Variants in SCAP observed in about 807,000 individuals in gnomAD.
SCAP encodes the protein SREBF chaperone.
Under a neutral mutation model 123.6 loss-of-function variants are expected in SCAP, and 65 were observed. That is an observed-to-expected ratio of 0.53 (90% CI 0.43 to 0.65). SCAP has a LOEUF of 0.65. Ranked by LOEUF, SCAP falls within the 30% of genes least tolerant of loss-of-function variation. The pLI, the probability that SCAP is intolerant of heterozygous loss-of-function variation, is 0.00. For synonymous variants in SCAP, 740 were observed against 726.3 expected (o/e 1.02, Z -0.30); for missense variants, 1,398 against 1,712.5 (o/e 0.82, Z 3.24).
chr3:47,454,559 C>T (rs1707345561), intron 1 of SCAP, among the ~76,000 whole-genome samples: 1 of 151,550 alleles, frequency 6.6e-6, no homozygotes, highest in South Asian at 2.1e-4. Context: ...AAACCCCCGT[C>T]TCCACTAAAA....
intron 1 of SCAP, among the ~76,000 whole-genome samples, chr3:47,460,917 T>C (rs1366500839): frequency 6.6e-6 from 1 of 150,950 alleles, no homozygotes; most frequent in Non-Finnish European, 1.5e-5. Context: ...AGGGGAGGAG[T>C]TTGTGAGGAG....
chr3:47,463,321 AG>A (rs1248319521), intron 1 of SCAP, among the ~76,000 whole-genome samples: 2 of 152,222 alleles, frequency 1.3e-5, no homozygotes, highest in Admixed American at 1.3e-4. Flanking sequence ...TGGGGACAGC[AG>A]GAATGCCTCT....
At chr3:47,433,850 C>T (rs1262082270) in intron 3 of SCAP, among the ~76,000 whole-genome samples, 1 of 151,980 alleles carries the variant, frequency 6.6e-6, no homozygotes, top group Non-Finnish European at 1.5e-5. Flanking sequence ...CCCTGGGCAA[C>T]AGAGTGAGAC....
intron 18 of SCAP, 42 bp downstream of exon 18, chr3:47,417,080 C>T: frequency 1.3e-6 from 2 of 1,572,854 alleles, no homozygotes; most frequent in Non-Finnish European, 8.7e-7. Context: ...GCCTAGCCAA[C>T]AAAGGCTGGG....
intron 18 of SCAP, among the ~76,000 whole-genome samples, chr3:47,416,461 CA>C (rs1375772026): frequency 6.6e-6 from 1 of 152,178 alleles, no homozygotes; most frequent in East Asian, 1.9e-4. Flanking sequence ...CAAGATACCC[CA>C]AAGGCTCAAT....
In SCAP at chr3:47,428,507, G is replaced by A; in HGVS notation, c.410+6C>T. The A allele has an allele frequency of 6.2e-7, 1 of 1,613,722 alleles. No individual in the cohort carries two copies. The highest frequency in any genetic ancestry group is 8.5e-7 in the Non-Finnish European group (1 of 1,179,762). ...TCAGGGAGGCCAGGGTCCCTGAGAGGGGTACCTGTCTCTCAGCACGTGGTT... is the reference window on the plus strand; with the variant it reads ...TCAGGGAGGCCAGGGTCCCTGAGAGAGGTACCTGTCTCTCAGCACGTGGTT... On this transcript the variant is annotated splice_donor_region_variant and intron_variant, in intron 4 of 22. Coordinates refer to ENST00000265565, the MANE Select transcript of SCAP (RefSeq NM_012235.4).
At chr3:47,417,255 A>G (rs371256605) in intron 17 of SCAP, 48 bp from the exon 18 acceptor site, 46 of 1,612,306 alleles carry the variant, frequency 2.9e-5, no homozygotes, top group East Asian at 1.6e-4. Context: ...AAGGCCCACA[A>G]TCCCCGGGGC....
intron 9 of SCAP, 42 bp downstream of exon 9, chr3:47,423,891 G>A: frequency 7.2e-7 from 1 of 1,397,296 alleles, no homozygotes; most frequent in South Asian, 1.2e-5. Flanking sequence ...CCCCATTCCA[G>A]CCCCTCCTGC....
At chr3:47,474,959 A>G (rs1207469370) in intron 1 of SCAP, among the ~76,000 whole-genome samples, 2 of 152,202 alleles carry the variant, frequency 1.3e-5, no homozygotes, top group Non-Finnish European at 2.9e-5. Context: ...CGGCATAACC[A>G]AACTCCACAA....
chr3:47,446,317 G>T (rs1323520762), intron 1 of SCAP, among the ~76,000 whole-genome samples: 1 of 152,008 alleles, frequency 6.6e-6, no homozygotes, highest in African/African-American at 2.4e-5. Context: ...GGGACTACAG[G>T]CACTCACCAC....
At chr3:47,471,196 G>A (rs1708012976) in intron 1 of SCAP, among the ~76,000 whole-genome samples, 1 of 152,092 alleles carries the variant, frequency 6.6e-6, no homozygotes, top group South Asian at 2.1e-4. Flanking sequence ...AATGAGTACA[G>A]AAGAGGAGGC....
chr3:47,425,493 G>A lies in SCAP; in HGVS notation c.1029C>T (p.Leu343=), dbSNP rs1706085230. The change falls in exon 8 of 23, where the codon CTC becomes CTT. Residue 343 remains leucine, a synonymous_variant. Transcript: ENST00000265565. ...GCCTGCTAGGGACCTACCCGCCATT[G>A]AGGGTGGGCGTCAGGCCGAAGAGTG... ...LCTLFGLTPT[L]NGGEIFPYLV... is the part of the protein sequence containing the mutation. 6.2e-7 allele frequency: 1 copy of A among 1,613,582 alleles called. No individual in the cohort carries two copies. The highest frequency in any genetic ancestry group is 8.5e-7 in the Non-Finnish European group (1 of 1,180,022).
intron 2 of SCAP, among the ~76,000 whole-genome samples, chr3:47,440,017 T>TC (rs1319809794): frequency 1.3e-5 from 2 of 152,012 alleles, no homozygotes; most frequent in African/African-American, 4.8e-5. Context: ...TTGATCACCA[T>TC]CCCCCCAGTA....
At chr3:47,417,998 C>CAAGGGAAAA (rs1705701053) in intron 16 of SCAP, 136 bp downstream of exon 16, 1 of 426,084 alleles carries the variant, frequency 2.3e-6, no homozygotes, top group Admixed American at 2.9e-5. Context: ...GGAGGGGGTG[C>CAAGGGAAAA]GGGGGTGGGG....
chr3:47,455,612 A>G (rs1017924185), intron 1 of SCAP, among the ~76,000 whole-genome samples: 3 of 151,168 alleles, frequency 2.0e-5, no homozygotes, highest in South Asian at 2.1e-4. Flanking sequence ...AAAAAAAAAA[A>G]AAAAGAAACC....
rs77413222 is a variant in SCAP at position 47,452,861 on chromosome 3, G to A, written c.-98-9770C>T. Among the ~76,000 whole-genome samples the A allele has an allele frequency of 9.9e-3, 1,505 of 151,852 alleles. 8 individuals carry two copies. Among genetic ancestry groups the A allele is most frequent in the South Asian group, 0.018 (86 of 4,826 alleles). On this transcript the variant is annotated intron_variant, in intron 1 of 22. Transcript: ENST00000265565. ...CCAGCAGTTTGGGACACTGAGGCAGGAAGACTGCTTGAGGCCAGGAAAGTT... is the reference window on the plus strand; with the variant it reads ...CCAGCAGTTTGGGACACTGAGGCAGAAAGACTGCTTGAGGCCAGGAAAGTT...
At chr3:47,465,726 G>C (rs953904324) in intron 1 of SCAP, among the ~76,000 whole-genome samples, 1 of 150,412 alleles carries the variant, frequency 6.6e-6, no homozygotes, top group African/African-American at 2.5e-5. Context: ...CAGTGACTGC[G>C]CCAATGCATT....
intron 1 of SCAP, among the ~76,000 whole-genome samples, chr3:47,470,921 T>C (rs1279453408): frequency 6.6e-6 from 1 of 152,030 alleles, no homozygotes; most frequent in African/African-American, 2.4e-5. Context: ...TCCCTCCTCA[T>C]TTACCCCAAA....
intron 16 of SCAP, 122 bp downstream of exon 16, chr3:47,418,012 G>T (rs1705702921): frequency 6.5e-6 from 4 of 613,586 alleles, no homozygotes; most frequent in South Asian, 3.4e-5. Flanking sequence ...GGTGGGGGGA[G>T]AGGGGGCCTG....
Sources: gnomAD v4.1 joint callset for allele counts (sites outside exome capture counted in the v4.1 genomes callset) on GRCh38, gnomAD v4.1.1 for gene constraint, MANE v1.5 for transcripts, NCBI Gene and HGNC (gene_info 2026-07-23, HGNC 2026-07-21) for gene names.